CCDC86: variants seen among roughly 807,000 people sequenced by gnomAD.
CCDC86 encodes the protein coiled-coil domain-containing protein 86.
A neutral mutation model predicts 36.7 loss-of-function variants in CCDC86; 28 were observed. That is an observed-to-expected ratio of 0.76 (90% confidence interval 0.57 to 1.05). The LOEUF (loss-of-function observed/expected upper bound fraction) is 1.05, where lower values mean the gene tolerates loss of function less well. Among genes scored for constraint, CCDC86 ranks in the 50% least tolerant of loss-of-function variants. The probability of loss-of-function intolerance (pLI) is 0.00; values close to 1 mark genes in which losing one functional copy is unlikely to be tolerated. For synonymous variants in CCDC86, 199 were observed against 203.4 expected (o/e 0.98, Z 0.18); for missense variants, 453 against 470.2 (o/e 0.96, Z 0.34).
Position 60,842,252 on chromosome 11 carries a change from G to C in CCDC86, c.128G>C (p.Arg43Thr), listed in dbSNP as rs1164231473. ...TTCGAGTCGAACCCAGAAGAAACGAGGGAGCCCGGGTCTCCTCCGAGTGTG... is the reference window on the plus strand; with the variant it reads ...TTCGAGTCGAACCCAGAAGAAACGACGGAGCCCGGGTCTCCTCCGAGTGTG... Reference protein sequence around the residue: ...VEFESNPEETREPGSPPSVQR... With the variant: ...VEFESNPEETTEPGSPPSVQR... Residue 43 changes from arginine to threonine, a missense_variant, in exon 1 of 4, where the codon AGG (arginine) becomes ACG (threonine). Transcript: ENST00000227520. 6.2e-7 allele frequency: 1 copy of C among 1,613,392 alleles called. No individual in the cohort carries two copies.
chr11:60,842,416 C>G lies in CCDC86; in HGVS notation c.292C>G (p.Leu98Val). ...AGCGTCCCCCCAGCGTCAGCAAGACCTACACCTGGAGTCGCCTCAAAGACA... is the reference window on the plus strand; with the variant it reads ...AGCGTCCCCCCAGCGTCAGCAAGACGTACACCTGGAGTCGCCTCAAAGACA... Reference protein sequence around the residue: ...GAASPQRQQDLHLESPQRQPE... With the variant: ...GAASPQRQQDVHLESPQRQPE... The change falls in exon 1 of 4, where the codon CTA becomes GTA. Residue 98 changes from leucine to valine, a missense_variant. Transcript: ENST00000227520. 1 of 1,614,032 alleles carries G rather than the reference C, an allele frequency of 6.2e-7. No homozygotes were observed. The highest frequency in any genetic ancestry group is 8.5e-7 in the Non-Finnish European group (1 of 1,180,016).
chr11:60,843,881 A>G (rs1855153963), intron 1 of CCDC86, among the ~76,000 whole-genome samples: 1 of 152,198 alleles, frequency 6.6e-6, no homozygotes, highest in Admixed American at 6.5e-5. Context: ...GGCTGTGGAT[A>G]TTATCCCCCC....
At chr11:60,849,030 C>G (rs1476871936) in intron 2 of CCDC86, among the ~76,000 whole-genome samples, 1 of 151,900 alleles carries the variant, frequency 6.6e-6, no homozygotes, top group East Asian at 2.0e-4. Flanking sequence ...CGGGCCTGCC[C>G]TGACCACAGG....
chr11:60,842,873 C>G lies in CCDC86; in HGVS notation c.749C>G (p.Ser250Cys), dbSNP rs1855142082. The G allele has an allele frequency of 6.4e-7, 1 of 1,563,040 alleles. No individual in the cohort carries two copies. The highest frequency in any genetic ancestry group is 8.7e-7 in the Non-Finnish European group (1 of 1,153,004). The change falls in exon 1 of 4, where the codon TCC (serine) becomes TGC (cysteine). Residue 250 changes from serine (S) to cysteine (C), a missense_variant. Ser to Cys is a moderately radical substitution (Grantham distance 112, BLOSUM62 -1). Transcript: ENST00000227520. ...PKSGRVWKDR[S>C]KKRFSQMLQD... ...TCGGGGCGAGTGTGGAAGGACCGCTCCAAGAAAAGGTGAAGTGGGGGACAG... is the reference window on the plus strand; with the variant it reads ...TCGGGGCGAGTGTGGAAGGACCGCTGCAAGAAAAGGTGAAGTGGGGGACAG...
chr11:60,847,962 C>T lies in CCDC86; in HGVS notation c.797C>T (p.Ser266Leu), dbSNP rs753482209. The change falls in exon 2 of 4, where the codon TCG becomes TTG. Residue 266 changes from serine to leucine, a missense_variant. Coordinates refer to ENST00000227520, the MANE Select transcript of CCDC86 (RefSeq NM_024098.4). ...CTTCAGGACAAGCCCCTGCGCACAT[C>T]GTGGCAGCGGAAGATGAAGGAACGA... Reference protein sequence around the residue: ...QMLQDKPLRTSWQRKMKERQE... With the variant: ...QMLQDKPLRTLWQRKMKERQE... The T allele has an allele frequency of 1.5e-5, 25 of 1,613,184 alleles. No homozygotes were observed. Among genetic ancestry groups the T allele is most frequent in the African/African-American group, 4.0e-5 (3 of 74,904 alleles).
intron 1 of CCDC86, 175 bp from the exon 2 acceptor site, chr11:60,847,749 G>A: frequency 1.4e-6 from 1 of 734,578 alleles, no homozygotes; most frequent in Non-Finnish European, 2.2e-6. Context: ...GCACGATCAG[G>A]GTTCCCTCCC....
chr11:60,848,326 G>A (rs1855213538), intron 2 of CCDC86, among the ~76,000 whole-genome samples: 1 of 152,196 alleles, frequency 6.6e-6, no homozygotes, highest in Non-Finnish European at 1.5e-5. Context: ...AGGACCAGAA[G>A]CGGGCCTTGG....
In CCDC86 at chr11:60,850,310, G is replaced by A. The variant is rs1280732008; in HGVS notation, c.1068G>A (p.Pro356=). The change falls in exon 4 of 4, where the codon CCG becomes CCA. Residue 356 remains proline, a synonymous_variant. Transcript: ENST00000227520. ...TGCAGAAGCAGCCGCCCCAGCAGCCGGCAGCCAAGATCTGAGCTCAGGACG... is the reference window on the plus strand; with the variant it reads ...TGCAGAAGCAGCCGCCCCAGCAGCCAGCAGCCAAGATCTGAGCTCAGGACG... ...ALLQKQPPQQ[P]AAKI 8.7e-6 allele frequency: 14 copies of A among 1,613,982 alleles called. No individual in the cohort carries two copies. Among genetic ancestry groups the A allele is most frequent in the African/African-American group, 4.0e-5 (3 of 74,936 alleles).
intron 3 of CCDC86, 28 bp downstream of exon 3, chr11:60,850,042 C>T: frequency 6.2e-7 from 1 of 1,612,504 alleles, no homozygotes; most frequent in South Asian, 1.1e-5. Flanking sequence ...CCCCTCTGCC[C>T]TTCTGCCCCA....
At chr11:60,848,079 G>A (rs960199314) in intron 2 of CCDC86, 26 bp downstream of exon 2, 2 of 1,608,428 alleles carry the variant, frequency 1.2e-6, no homozygotes, top group African/African-American at 1.3e-5. Context: ...GGCTGAGGCT[G>A]GGGCTCAGAG....
rs779091452 is a variant in CCDC86, at chr11:60,847,999, G to C, written c.834G>C (p.Lys278Asn). The C allele has an allele frequency of 1.9e-6, 3 of 1,613,752 alleles. No homozygotes were observed. In the Admixed American group the frequency reaches 5.0e-5, roughly 27 times the overall value. The change falls in exon 2 of 4, where the codon AAG becomes AAC. Residue 278 changes from lysine (K) to asparagine (N), a missense_variant. Lys to Asn is a moderately conservative substitution (Grantham distance 94). Transcript: ENST00000227520. The stretch of plus-strand genomic sequence containing the variant: ...AGATGAAGGAACGACAGGAGAGGAA[G>C]CTGGCCAAGGACTTTGCCCGTCACC... ...QRKMKERQERKLAKDFARHLE... is the reference protein window; with the variant it reads ...QRKMKERQERNLAKDFARHLE...
chr11:60,842,559 G>C lies in CCDC86; in HGVS notation c.435G>C (p.Leu145=). Residue 145 remains leucine, a synonymous_variant, in exon 1 of 4, where the codon CTG becomes CTC. Coordinates refer to ENST00000227520, the MANE Select transcript of CCDC86 (RefSeq NM_024098.4). ...ASELAQNKEE[L]TPGAPQHQLP... ...AGTTGGCCCAGAATAAGGAGGAGCTGACCCCGGGGGCCCCCCAGCATCAGC... is the reference window on the plus strand; with the variant it reads ...AGTTGGCCCAGAATAAGGAGGAGCTCACCCCGGGGGCCCCCCAGCATCAGC... 6.2e-7 allele frequency: 1 copy of C among 1,613,144 alleles called. No individual in the cohort carries two copies. The highest frequency in any genetic ancestry group is 1.1e-5 in the South Asian group (1 of 91,066).
rs1010926014 is a variant in CCDC86, at chr11:60,843,046, T to G, written c.758+164T>G. On this transcript the variant is annotated intron_variant, in intron 1 of 3. Transcript: ENST00000227520. ...ACAATCAGAATGTGGTAAAATGCCCTGGGATCCCGGAGAGGGTGGGGCCAG... is the reference window on the plus strand; with the variant it reads ...ACAATCAGAATGTGGTAAAATGCCCGGGGATCCCGGAGAGGGTGGGGCCAG... 3.0e-6 allele frequency: 3 copies of G among 1,014,330 alleles called. No individual in the cohort carries two copies. The African/African-American group carries it at 4.9e-5, about 17-fold the overall frequency. The allele number at this position is 1,014,330 out of a possible 1,614,324, so 62.8% of individuals were successfully genotyped here.
At position 60,842,208 on chromosome 11, in the gene CCDC86, G is replaced by T. The variant is rs746085514; in HGVS notation, c.84G>T (p.Thr28=). 7.4e-6 allele frequency: 12 copies of T among 1,613,206 alleles called. No individual in the cohort carries two copies. The highest frequency in any genetic ancestry group is 1.3e-5 in the African/African-American group (1 of 74,924). The change falls in exon 1 of 4, where the codon ACG becomes ACT. Residue 28 remains threonine, a synonymous_variant. Coordinates refer to ENST00000227520, the MANE Select transcript of CCDC86 (RefSeq NM_024098.4). ...AGAGCCTCACCTCAGTTTCGCGGACGAGACGGGCCCTTGTGGAGTTCGAGT... is the reference window on the plus strand; with the variant it reads ...AGAGCCTCACCTCAGTTTCGCGGACTAGACGGGCCCTTGTGGAGTTCGAGT... ...SPESLTSVSR[T]RRALVEFESN... is the part of the protein sequence containing the mutation.
In CCDC86 at chr11:60,842,758, A is replaced by C. The variant is rs1366511281; in HGVS notation, c.634A>C (p.Lys212Gln). 6.2e-7 allele frequency: 1 copy of C among 1,613,598 alleles called. No homozygotes were observed. Among genetic ancestry groups the C allele is most frequent in the Admixed American group, 1.7e-5 (1 of 60,004 alleles). Reference protein sequence around the residue: ...GETVTGGFGAKKRKGSSSQAP... With the variant: ...GETVTGGFGAQKRKGSSSQAP... Reference sequence around the variant, plus strand: ...GACGGTGACAGGCGGCTTCGGGGCAAAGAAGCGAAAAGGTTCTTCATCCCA... The same window carrying C: ...GACGGTGACAGGCGGCTTCGGGGCACAGAAGCGAAAAGGTTCTTCATCCCA... Residue 212 changes from lysine (K) to glutamine (Q), a missense_variant, in exon 1 of 4, where the codon AAG becomes CAG. Coordinates refer to ENST00000227520, the MANE Select transcript of CCDC86 (RefSeq NM_024098.4).
At chr11:60,849,309 A>G (rs748287377) in intron 2 of CCDC86, among the ~76,000 whole-genome samples, 2 of 152,228 alleles carry the variant, frequency 1.3e-5, no homozygotes, top group African/African-American at 2.4e-5. Context: ...TCCCAAAACT[A>G]TCTTACGAGG....
In CCDC86 at chr11:60,842,292, G is replaced by C. The variant is rs768763347; in HGVS notation, c.168G>C (p.Leu56=). 1 of 1,613,554 alleles carries C rather than the reference G, an allele frequency of 6.2e-7. No individual in the cohort carries two copies. The highest frequency in any genetic ancestry group is 8.5e-7 in the Non-Finnish European group (1 of 1,179,960). ...GSPPSVQRAG[L]GSPERPPKTS... ...CTCCGAGTGTGCAGCGGGCTGGCCTGGGGTCCCCCGAAAGGCCGCCGAAGA... is the reference window on the plus strand; with the variant it reads ...CTCCGAGTGTGCAGCGGGCTGGCCTCGGGTCCCCCGAAAGGCCGCCGAAGA... Residue 56 remains leucine, a synonymous_variant, in exon 1 of 4, where the codon CTG becomes CTC. Coordinates refer to ENST00000227520, the MANE Select transcript of CCDC86 (RefSeq NM_024098.4).
At position 60,850,464 on chromosome 11, in the gene CCDC86, T is replaced by C; in HGVS notation, c.*139T>C. The C allele has an allele frequency of 1.7e-6, 2 of 1,198,830 alleles. No homozygotes were observed. The highest frequency in any genetic ancestry group is 2.3e-6 in the Non-Finnish European group (2 of 879,402). The allele number at this position is 1,198,830 out of a possible 1,614,324, so 74.3% of individuals were successfully genotyped here. On this transcript the variant is annotated 3_prime_UTR_variant, in exon 4 of 4. Coordinates refer to ENST00000227520, the MANE Select transcript of CCDC86 (RefSeq NM_024098.4). ...CAGGGACCCCCACCCCGACCGGGGCTCCTCGGCCTTTGAAGGCTTCCAGGC... is the reference window on the plus strand; with the variant it reads ...CAGGGACCCCCACCCCGACCGGGGCCCCTCGGCCTTTGAAGGCTTCCAGGC...
chr11:60,842,437 A>G lies in CCDC86; in HGVS notation c.313A>G (p.Arg105Gly), dbSNP rs748108995. The G allele has an allele frequency of 1.2e-6, 2 of 1,613,972 alleles. No individual in the cohort carries two copies. Among genetic ancestry groups the G allele is most frequent in the South Asian group, 1.1e-5 (1 of 91,084 alleles). The change falls in exon 1 of 4, where the codon AGA becomes GGA. Residue 105 changes from arginine to glycine, a missense_variant. Physicochemically the swap from Arg to Gly is moderately radical, Grantham distance 125. Coordinates refer to ENST00000227520, the MANE Select transcript of CCDC86 (RefSeq NM_024098.4). ...AGACCTACACCTGGAGTCGCCTCAAAGACAGCCAGAGTACAGTCCTGAATC... is the reference window on the plus strand; with the variant it reads ...AGACCTACACCTGGAGTCGCCTCAAGGACAGCCAGAGTACAGTCCTGAATC... ...QQDLHLESPQ[R>G]QPEYSPESPR...
Sources: gnomAD v4.1 joint callset for allele counts (sites outside exome capture counted in the v4.1 genomes callset) on GRCh38, gnomAD v4.1.1 for gene constraint, MANE v1.5 for transcripts, NCBI Gene and HGNC (gene_info 2026-07-23, HGNC 2026-07-21) for gene names.